The following STX5 variants were observed in gnomAD, a reference collection of about 807,000 sequenced individuals.
The protein encoded by STX5 is syntaxin-5.
STX5 carries 15 observed loss-of-function variants against 42.9 expected under a neutral mutation model. That is an observed-to-expected ratio of 0.35 (90% confidence interval 0.23 to 0.54). The LOEUF is 0.54. Ranked by LOEUF, STX5 falls within the 20% of genes least tolerant of loss-of-function variation. The probability of loss-of-function intolerance (pLI) is 0.91; values close to 1 mark genes in which losing one functional copy is unlikely to be tolerated. For synonymous variants in STX5, 184 were observed against 173.2 expected (o/e 1.06, Z -0.49); for missense variants, 430 against 455.0 (o/e 0.95, Z 0.50).
At position 62,824,158 on chromosome 11, in the gene STX5, T is replaced by C. The variant is rs761917993; in HGVS notation, c.908+8A>G. On this transcript the variant is annotated splice_region_variant and intron_variant, in intron 10 of 10. Transcript: ENST00000294179. ...CTCCTCTGTTTGGGGCGAGAGAGTG[T>C]ATCTCACCTCTGAATGGTTTCCTCC... 6.2e-7 allele frequency: 1 copy of C among 1,614,196 alleles called. No individual in the cohort carries two copies. Among genetic ancestry groups the C allele is most frequent in the Non-Finnish European group, 8.5e-7 (1 of 1,180,024 alleles).
chr11:62,814,697 C>T (rs2084654481), intron 10 of STX5, among the ~76,000 whole-genome samples: 1 of 149,958 alleles, frequency 6.7e-6, no homozygotes, highest in African/African-American at 2.5e-5. Context: ...GCAATCTTGG[C>T]TCACCGCAAC....
At chr11:62,823,979 G>T (rs1369288809) in intron 10 of STX5, 187 bp downstream of exon 10, 1 of 830,526 alleles carries the variant, frequency 1.2e-6, no homozygotes, top group Non-Finnish European at 1.9e-6. Context: ...ACCTGGAACA[G>T]TGCCTCACAT....
At chr11:62,814,349 A>C (rs930308363) in intron 10 of STX5, among the ~76,000 whole-genome samples, 1 of 151,998 alleles carries the variant, frequency 6.6e-6, no homozygotes, top group African/African-American at 2.4e-5. Flanking sequence ...TTTGGCAGAG[A>C]TGGGTTTCAC....
intron 1 of STX5, among the ~76,000 whole-genome samples, chr11:62,831,603 C>T (rs2084866154): frequency 6.6e-6 from 1 of 152,198 alleles, no homozygotes; most frequent in Non-Finnish European, 1.5e-5. Context: ...CCTTTCGTTT[C>T]CGCGGTTTCC....
rs2084850473 is a variant in STX5 at position 62,830,949 on chromosome 11, G to A, written c.225+70C>T. The A allele has an allele frequency of 2.9e-6, 4 of 1,390,872 alleles. No individual in the cohort carries two copies. In the South Asian group the frequency reaches 4.9e-5, roughly 17 times the overall value. 86.2% of individuals were successfully genotyped at this position (1,390,872 alleles called of 1,614,324 possible). ...CCCCCCAAAATTACTTCGGTTAACA[G>A]TGGTGGAGCACAGTCCTTCCTAGAT... On this transcript the variant is annotated intron_variant, in intron 2 of 10. Coordinates refer to ENST00000294179, the MANE Select transcript of STX5 (RefSeq NM_003164.5).
At chr11:62,828,015 C>T (rs1005030848) in intron 2 of STX5, among the ~76,000 whole-genome samples, 16 of 149,972 alleles carry the variant, frequency 1.1e-4, no homozygotes, top group Non-Finnish European at 1.8e-4. Context: ...TCTAGTATTG[C>T]CATTCTATTC....
chr11:62,809,673 CAAAA>C (rs749188946), intron 10 of STX5, among the ~76,000 whole-genome samples: 143 of 19,056 alleles, frequency 7.5e-3, no homozygotes, highest in African/African-American at 0.019. Flanking sequence ...GACTCTGTCT[CAAAA>C]AAAAAAAAAA....
intron 10 of STX5, among the ~76,000 whole-genome samples, chr11:62,816,722 GAA>G (rs71056565): frequency 1.3e-4 from 12 of 90,178 alleles, no homozygotes; most frequent in South Asian, 3.9e-4. Flanking sequence ...CGCCTTTACT[GAA>G]AAAAAAAAAA....
At chr11:62,807,806 C>A in intron 10 of STX5, 178 bp from the exon 11 acceptor site, 2 of 1,162,370 alleles carry the variant, frequency 1.7e-6, no homozygotes, top group Non-Finnish European at 2.4e-6. Context: ...GTTTGAAAAC[C>A]AACTCTGCCA....
intron 10 of STX5, among the ~76,000 whole-genome samples, chr11:62,822,703 CT>C (rs11304762): frequency 0.54 from 74,177 of 137,936 alleles, 20,442 homozygotes; most frequent in Middle Eastern, 0.62. Flanking sequence ...CATTTACGAC[CT>C]TTTTTTTTTT....
intron 10 of STX5, among the ~76,000 whole-genome samples, chr11:62,812,650 C>A (rs1323301817): frequency 1.3e-5 from 2 of 151,420 alleles, no homozygotes; most frequent in East Asian, 2.0e-4. Flanking sequence ...TCTCGATCTC[C>A]TGACCTCGTG....
At chr11:62,810,996 A>T (rs2084611331) in intron 10 of STX5, among the ~76,000 whole-genome samples, 3 of 152,160 alleles carry the variant, frequency 2.0e-5, no homozygotes, top group Admixed American at 1.3e-4. Context: ...CTTTCTCAGG[A>T]GCAAGGAGAA....
intron 9 of STX5, 70 bp from the exon 10 acceptor site, chr11:62,824,357 C>T: frequency 6.2e-6 from 10 of 1,612,662 alleles, no homozygotes; most frequent in South Asian, 1.1e-5. Flanking sequence ...TTTTACAACC[C>T]TCCCAGCTTG....
In STX5 at chr11:62,825,668, A is replaced by G. The variant is rs374988502; in HGVS notation, c.424-129T>C. ...TAGCCAGAGTGAGAGTATCTCAGAC[A>G]GTCAGACCAGATGGGCCTGCTAGGA... On this transcript the variant is annotated intron_variant, in intron 5 of 10. Coordinates refer to ENST00000294179, the MANE Select transcript of STX5 (RefSeq NM_003164.5). 22 of 828,726 alleles carry G rather than the reference A, an allele frequency of 2.7e-5. No homozygotes were observed. The East Asian group carries it at 5.4e-4, about 20-fold the overall frequency. The allele number at this position is 828,726 out of a possible 1,614,324, so 51.3% of individuals were successfully genotyped here.
chr11:62,813,589 A>G (rs1455053086), intron 10 of STX5, among the ~76,000 whole-genome samples: 2 of 152,202 alleles, frequency 1.3e-5, no homozygotes, highest in Non-Finnish European at 2.9e-5. Flanking sequence ...ATACAAATGT[A>G]GGTGTTCACT....
intron 10 of STX5, among the ~76,000 whole-genome samples, chr11:62,819,832 T>C (rs530523389): frequency 6.6e-6 from 1 of 150,748 alleles, no homozygotes; most frequent in East Asian, 2.0e-4. Context: ...TAGTTGGGAT[T>C]ACAGGCATGT....
At chr11:62,831,349 C>G in intron 1 of STX5, 87 bp from the exon 2 acceptor site, 2 of 1,007,124 alleles carry the variant, frequency 2.0e-6, no homozygotes, top group South Asian at 2.7e-5. Flanking sequence ...TCCCCGAGCC[C>G]CTTCTGCACT....
chr11:62,811,918 C>T (rs534740554), intron 10 of STX5, among the ~76,000 whole-genome samples: 4 of 152,152 alleles, frequency 2.6e-5, no homozygotes, highest in African/African-American at 9.7e-5. Context: ...GATTAGCTCA[C>T]AGCAGCAACA....
intron 10 of STX5, among the ~76,000 whole-genome samples, chr11:62,823,619 C>A (rs61893771): frequency 6.6e-6 from 1 of 152,162 alleles, no homozygotes; most frequent in Non-Finnish European, 1.5e-5. Context: ...GATCTTGGCT[C>A]ACTGCAACCT....
Sources: gnomAD v4.1 joint callset for allele counts (sites outside exome capture counted in the v4.1 genomes callset) on GRCh38, gnomAD v4.1.1 for gene constraint, MANE v1.5 for transcripts, NCBI Gene and HGNC (gene_info 2026-07-23, HGNC 2026-07-21) for gene names.